Variants in FAM184B observed in about 807,000 individuals in gnomAD.
FAM184B encodes the protein protein FAM184B.
A neutral mutation model predicts 135.9 loss-of-function variants in FAM184B; 111 were observed. The ratio of observed to expected loss-of-function variants is 0.82; its 90% CI spans 0.70 to 0.96. FAM184B has a LOEUF of 0.96. Among genes scored for constraint, FAM184B ranks in the 40% least tolerant of loss-of-function variants. The pLI, the probability that FAM184B is intolerant of heterozygous loss-of-function variation, is 0.00. For missense variants in FAM184B, 1,375 were observed against 1,323.9 expected, an observed-to-expected ratio of 1.04 and a Z score of -0.60; for synonymous variants, 552 against 524.8, an observed-to-expected ratio of 1.05 and a Z score of -0.71.
At chr4:17,747,176 G>C (rs1014151914) in intron 1 of FAM184B, among the ~76,000 whole-genome samples, 3 of 152,088 alleles carry the variant, frequency 2.0e-5, no homozygotes, top group Non-Finnish European at 4.4e-5. Flanking sequence ...GCTGCATGGT[G>C]GGGGGCGGTG....
chr4:17,734,745 A>G (rs1172039772), intron 1 of FAM184B, among the ~76,000 whole-genome samples: 1 of 148,842 alleles, frequency 6.7e-6, no homozygotes, highest in Non-Finnish European at 1.5e-5. Context: ...ACTGTAAACT[A>G]GTTCAACCAT....
intron 1 of FAM184B, among the ~76,000 whole-genome samples, chr4:17,757,902 G>C (rs1010401303): frequency 6.6e-6 from 1 of 152,142 alleles, no homozygotes; most frequent in African/African-American, 2.4e-5. Context: ...ATATATGTGA[G>C]TGAGATAATC....
At chr4:17,703,714 C>T (rs1028696816) in intron 5 of FAM184B, among the ~76,000 whole-genome samples, 1 of 152,000 alleles carries the variant, frequency 6.6e-6, no homozygotes, top group East Asian at 1.9e-4. Context: ...GGGCGGATCA[C>T]GAGGTCAAGA....
At chr4:17,634,135 A>C (rs1015314903) in intron 16 of FAM184B, 4 of 322,214 alleles carry the variant, frequency 1.2e-5, no homozygotes, top group Non-Finnish European at 2.2e-5. Context: ...TTTGCAACTC[A>C]ATTTTGTTTA....
intron 1 of FAM184B, among the ~76,000 whole-genome samples, chr4:17,734,058 C>T (rs1717851196): frequency 6.6e-6 from 1 of 152,168 alleles, no homozygotes; most frequent in Non-Finnish European, 1.5e-5. Flanking sequence ...TTTGACAAAA[C>T]TGACAAAAAC....
In FAM184B at chr4:17,641,983, G is replaced by T. The variant is rs1198873005; in HGVS notation, c.2519+73C>A. On this transcript the variant is annotated intron_variant, in intron 13 of 17. Transcript: ENST00000265018. ...TTTCAGGTCTCAGGCTCAGCCAGCCGCAGTAGGGGGAGGGGGGGTGGCGGG... is the reference window on the plus strand; with the variant it reads ...TTTCAGGTCTCAGGCTCAGCCAGCCTCAGTAGGGGGAGGGGGGGTGGCGGG... The T allele has an allele frequency of 3.4e-6, 5 of 1,450,226 alleles. No homozygotes were observed. In the African/African-American group the frequency reaches 6.0e-5, roughly 17 times the overall value. The allele number at this position is 1,450,226 out of a possible 1,614,324, so 89.8% of individuals were successfully genotyped here. A position where few individuals can be genotyped will look rare whatever the true frequency, so the allele number is the denominator to read the frequency against.
chr4:17,689,901 A>C (rs13147652), intron 6 of FAM184B, among the ~76,000 whole-genome samples: 146,477 of 152,076 alleles, frequency 0.96, 70,774 homozygotes, highest in East Asian at 1. Context: ...GTAATCCCAG[A>C]ACTTTGGGAG....
At chr4:17,653,933 G>GAGAGGGAGGGAGGA (rs1436881591) in intron 10 of FAM184B, among the ~76,000 whole-genome samples, 2 of 1,386 alleles carry the variant, frequency 1.4e-3, no homozygotes, top group East Asian at 0.031. Flanking sequence ...AGGGGGAGGG[G>GAGAGGGAGGGAGGA]GATTTGAAGC....
chr4:17,684,297 A>G (rs1716526939), intron 7 of FAM184B, among the ~76,000 whole-genome samples: 1 of 151,232 alleles, frequency 6.6e-6, no homozygotes, highest in African/African-American at 2.4e-5. Context: ...CTGTATATAC[A>G]CTATACCTCT....
At chr4:17,696,225 C>T (rs1227085265) in intron 5 of FAM184B, among the ~76,000 whole-genome samples, 2 of 152,142 alleles carry the variant, frequency 1.3e-5, no homozygotes. Context: ...AAACGCCTTG[C>T]CCAGGGTCAA....
intron 9 of FAM184B, among the ~76,000 whole-genome samples, chr4:17,659,299 G>A (rs1456747333): frequency 6.6e-6 from 1 of 151,866 alleles, no homozygotes; most frequent in Non-Finnish European, 1.5e-5. Flanking sequence ...TAGAGACAGA[G>A]TCTTGCTATG....
At chr4:17,678,901 G>A (rs1452449353) in intron 7 of FAM184B, among the ~76,000 whole-genome samples, 1 of 151,904 alleles carries the variant, frequency 6.6e-6, no homozygotes, top group African/African-American at 2.4e-5. Flanking sequence ...CTTTGACAAA[G>A]CAAAAAACAA....
At chr4:17,718,433 G>A (rs1717444351) in intron 1 of FAM184B, among the ~76,000 whole-genome samples, 1 of 152,170 alleles carries the variant, frequency 6.6e-6, no homozygotes, top group Non-Finnish European at 1.5e-5. Context: ...GGGAAAAACA[G>A]AACAAATAAG....
At chr4:17,713,496 C>T (rs1305578674) in intron 1 of FAM184B, among the ~76,000 whole-genome samples, 1 of 152,170 alleles carries the variant, frequency 6.6e-6, no homozygotes. Context: ...ATTGGTTTCC[C>T]ACTGGCTATA....
At chr4:17,661,853 A>G (rs996246819) in intron 8 of FAM184B, among the ~76,000 whole-genome samples, 4 of 152,218 alleles carry the variant, frequency 2.6e-5, no homozygotes, top group African/African-American at 4.8e-5. Flanking sequence ...CTCTCAGGAT[A>G]GGGCTCAGTT....
intron 1 of FAM184B, among the ~76,000 whole-genome samples, chr4:17,772,186 A>T (rs2108998004): frequency 6.6e-6 from 1 of 152,316 alleles, no homozygotes; most frequent in African/African-American, 2.4e-5. Flanking sequence ...TCTAGAAACA[A>T]ATCAAATTTA....
chr4:17,772,415 C>T (rs2108998108), intron 1 of FAM184B, among the ~76,000 whole-genome samples: 1 of 152,278 alleles, frequency 6.6e-6, no homozygotes, highest in Non-Finnish European at 1.5e-5. Flanking sequence ...TCCTCATGGT[C>T]TGGCTGTGCC....
chr4:17,652,781 A>G, intron 11 of FAM184B, 49 bp downstream of exon 11: 1 of 1,523,406 alleles, frequency 6.6e-7, no homozygotes, highest in Non-Finnish European at 8.9e-7. Flanking sequence ...TTCTACATGC[A>G]GACCCTGCAG....
At position 17,632,642 on chromosome 4, in the gene FAM184B, G is replaced by GT. The variant is rs746656665; in HGVS notation, c.3090-18dup. 4.2e-5 allele frequency: 44 copies of GT among 1,055,974 alleles called. No individual in the cohort carries two copies. The highest frequency in any genetic ancestry group is 3.5e-4 in the African/African-American group (24 of 67,660). 65.4% of individuals were successfully genotyped at this position (1,055,974 alleles called of 1,614,324 possible). ...TCTGGGGTCCTAAAAGCAAAAAAAG[G>GT]TTTTTTTATATGGTTTTGAAAACTA... On this transcript the variant is annotated splice_polypyrimidine_tract_variant and intron_variant, in intron 17 of 17. Transcript: ENST00000265018.
Sources: allele counts gnomAD v4.1 joint callset (sites outside exome capture counted in the v4.1 genomes callset), GRCh38; gene constraint gnomAD v4.1.1; transcripts MANE v1.5; gene names NCBI Gene and HGNC (gene_info 2026-07-23, HGNC 2026-07-21).